The following LAPTM4B variants were observed in gnomAD, a reference collection of about 807,000 sequenced individuals.
The protein encoded by LAPTM4B is lysosomal-associated transmembrane protein 4B.
In LAPTM4B, 26 loss-of-function variants were observed where a neutral mutation model predicts 28.5. The observed-to-expected ratio is 0.91, with a 90% CI of 0.67 to 1.27. The LOEUF (loss-of-function observed/expected upper bound fraction) is 1.27, where lower values mean the gene tolerates loss of function less well. Among genes scored for constraint, LAPTM4B ranks in the 50% most tolerant of loss-of-function variants. The probability of loss-of-function intolerance (pLI) is 0.00; values close to 1 mark genes in which losing one functional copy is unlikely to be tolerated. For missense variants in LAPTM4B, 288 were observed against 285.8 expected (o/e 1.01, Z -0.06); for synonymous variants, 109 against 106.4 (o/e 1.02, Z -0.15).
chr8:97,815,029 G>A (rs1816885311), intron 2 of LAPTM4B, among the ~76,000 whole-genome samples: 1 of 152,062 alleles, frequency 6.6e-6, no homozygotes, highest in Non-Finnish European at 1.5e-5. Context: ...AGCTATGAAG[G>A]CTTTCATTAG....
intron 6 of LAPTM4B, among the ~76,000 whole-genome samples, chr8:97,838,494 T>G (rs960254434): frequency 2.6e-5 from 4 of 152,162 alleles, no homozygotes; most frequent in Non-Finnish European, 2.9e-5. Flanking sequence ...ACGTACTAGG[T>G]CCTATTAATT....
At chr8:97,793,167 G>C (rs1816530985) in intron 1 of LAPTM4B, among the ~76,000 whole-genome samples, 1 of 152,098 alleles carries the variant, frequency 6.6e-6, no homozygotes, top group Non-Finnish European at 1.5e-5. Flanking sequence ...ATATATATGT[G>C]ATGCTTAGCA....
rs115838117 is a variant in LAPTM4B at position 97,811,312 on chromosome 8, C to A, written c.212-4016C>A. ...ATATACCCTAGGGAAACAGGTGCTTCATAAATCTGTCGTCAGCCATGTATA... is the reference window on the plus strand; with the variant it reads ...ATATACCCTAGGGAAACAGGTGCTTAATAAATCTGTCGTCAGCCATGTATA... On this transcript the variant is annotated intron_variant, in intron 2 of 6. Coordinates refer to ENST00000521545, the MANE Select transcript of LAPTM4B (RefSeq NM_018407.6). 6.1e-3 allele frequency among the ~76,000 whole-genome samples: 928 copies of A among 152,262 alleles called. 7 individuals are homozygous for A. The highest frequency in any genetic ancestry group is 0.021 in the African/African-American group (874 of 41,526).
intron 1 of LAPTM4B, among the ~76,000 whole-genome samples, chr8:97,784,428 G>T (rs962862124): frequency 1.3e-5 from 2 of 151,942 alleles, no homozygotes; most frequent in Non-Finnish European, 2.9e-5. Context: ...AGTTTTTTTT[G>T]GTTGTTGTTT....
intron 5 of LAPTM4B, among the ~76,000 whole-genome samples, chr8:97,823,866 G>A (rs1217534733): frequency 6.6e-6 from 1 of 150,890 alleles, no homozygotes; most frequent in Admixed American, 6.6e-5. Context: ...CCCAGCTAAT[G>A]TTTTTGTATT....
intron 6 of LAPTM4B, among the ~76,000 whole-genome samples, chr8:97,845,343 G>GT (rs1817411666): frequency 7.1e-6 from 1 of 141,226 alleles, no homozygotes; most frequent in African/African-American, 2.7e-5. Context: ...TTGATCCTAA[G>GT]TTGTTTTTTT....
intron 2 of LAPTM4B, among the ~76,000 whole-genome samples, chr8:97,811,727 GA>G (rs1816831019): frequency 6.6e-6 from 1 of 152,126 alleles, no homozygotes; most frequent in African/African-American, 2.4e-5. Flanking sequence ...TAAAGATCCT[GA>G]CAGCCTTGAG....
At chr8:97,820,000 TG>T (rs1816979819) in intron 5 of LAPTM4B, among the ~76,000 whole-genome samples, 2 of 152,242 alleles carry the variant, frequency 1.3e-5, no homozygotes, top group South Asian at 2.1e-4. Context: ...CTCCCAAAGC[TG>T]GGATTACAGG....
chr8:97,781,050 C>T (rs912879986), intron 1 of LAPTM4B, among the ~76,000 whole-genome samples: 4 of 150,828 alleles, frequency 2.7e-5, no homozygotes, highest in African/African-American at 4.9e-5. Flanking sequence ...AGTGCAGTGG[C>T]GTGATCTCGG....
chr8:97,820,433 A>G (rs547985123), intron 5 of LAPTM4B, among the ~76,000 whole-genome samples: 109 of 151,974 alleles, frequency 7.2e-4, no homozygotes, highest in Non-Finnish European at 1.0e-3. Context: ...TTGAATCTCA[A>G]TGCCTTTCAT....
intron 6 of LAPTM4B, among the ~76,000 whole-genome samples, chr8:97,840,640 A>G (rs1296168310): frequency 6.6e-6 from 1 of 152,248 alleles, no homozygotes; most frequent in Non-Finnish European, 1.5e-5. Context: ...GGCACAGCCA[A>G]AATTATTATT....
intron 1 of LAPTM4B, among the ~76,000 whole-genome samples, chr8:97,778,508 C>T: frequency 6.6e-6 from 1 of 152,014 alleles, no homozygotes; most frequent in South Asian, 2.1e-4. Context: ...CCCAGCACAT[C>T]CAAGAATGCA....
intron 1 of LAPTM4B, among the ~76,000 whole-genome samples, chr8:97,797,861 G>A (rs1408512026): frequency 1.3e-5 from 2 of 152,222 alleles, no homozygotes; most frequent in Non-Finnish European, 2.9e-5. Flanking sequence ...AAATTGGACA[G>A]AAGTTGGATT....
intron 6 of LAPTM4B, among the ~76,000 whole-genome samples, chr8:97,834,567 G>A (rs199744900): frequency 7.4e-6 from 1 of 135,952 alleles, no homozygotes; most frequent in African/African-American, 2.6e-5. Context: ...GTGTGTGTGT[G>A]TTTATGTGTG....
At chr8:97,782,198 C>A (rs1816331765) in intron 1 of LAPTM4B, among the ~76,000 whole-genome samples, 2 of 149,396 alleles carry the variant, frequency 1.3e-5, no homozygotes, top group African/African-American at 4.9e-5. Flanking sequence ...TCAGGCTGGT[C>A]TCGAACTCCC....
At chr8:97,811,747 A>G (rs906108463) in intron 2 of LAPTM4B, among the ~76,000 whole-genome samples, 1 of 152,092 alleles carries the variant, frequency 6.6e-6, no homozygotes, top group African/African-American at 2.4e-5. Context: ...AGGAAATAGA[A>G]CTACAGCAGC....
intron 1 of LAPTM4B, among the ~76,000 whole-genome samples, chr8:97,802,073 T>A (rs536512377): frequency 1.3e-5 from 2 of 152,270 alleles, no homozygotes; most frequent in Admixed American, 1.3e-4. Flanking sequence ...GATACTGTTA[T>A]AATAATTACT....
At chr8:97,812,186 GA>G (rs1245504818) in intron 2 of LAPTM4B, among the ~76,000 whole-genome samples, 3 of 148,974 alleles carry the variant, frequency 2.0e-5, no homozygotes, top group African/African-American at 7.4e-5. Context: ...TTTTTTAAAG[GA>G]TAAGTAAATT....
At position 97,822,015 on chromosome 8, in the gene LAPTM4B, G is replaced by A. The variant is rs982140732; in HGVS notation, c.507+2777G>A. Among the ~76,000 whole-genome samples the A allele has an allele frequency of 3.3e-5, 5 of 152,220 alleles. No individual in the cohort carries two copies. The South Asian group carries it at 1.0e-3, about 32-fold the overall frequency. On this transcript the variant is annotated intron_variant, in intron 5 of 6. Coordinates refer to ENST00000521545, the MANE Select transcript of LAPTM4B (RefSeq NM_018407.6). ...CCATGATTTCATGTGTCATTCAGCA[G>A]TTAAGGATGGGAGTGAATTTTACAC... is the stretch of plus-strand genomic sequence containing the variant.
Sources: gnomAD v4.1 joint callset for allele counts (sites outside exome capture counted in the v4.1 genomes callset) on GRCh38, gnomAD v4.1.1 for gene constraint, MANE v1.5 for transcripts, NCBI Gene and HGNC (gene_info 2026-07-23, HGNC 2026-07-21) for gene names.